The following DLGAP2 variants were observed in gnomAD, a reference collection of about 807,000 sequenced individuals.
DLGAP2 encodes the protein disks large-associated protein 2.
A neutral mutation model predicts 100.3 loss-of-function variants in DLGAP2; 26 were observed. The ratio of observed to expected loss-of-function variants is 0.26; its 90% CI spans 0.19 to 0.36. The LOEUF (loss-of-function observed/expected upper bound fraction) is 0.36. DLGAP2 is among the 10% of genes least tolerant of loss of function. The pLI, the probability that DLGAP2 is intolerant of heterozygous loss-of-function variation, is 1.00. For missense variants in DLGAP2, 1,858 were observed against 1,453.2 expected, an observed-to-expected ratio of 1.28 and a Z score of -4.53; for synonymous variants, 886 against 630.1, an observed-to-expected ratio of 1.41 and a Z score of -6.08.
chr8:1,347,438 C>A (rs1307975733), intron 3 of DLGAP2, among the ~76,000 whole-genome samples: 1 of 151,790 alleles, frequency 6.6e-6, no homozygotes, highest in African/African-American at 2.4e-5. Flanking sequence ...CTCATGGCAA[C>A]TATGTGGAAG....
intron 12 of DLGAP2, among the ~76,000 whole-genome samples, chr8:1,687,337 C>T (rs935755620): frequency 1.1e-4 from 16 of 152,196 alleles, no homozygotes; most frequent in Admixed American, 6.5e-4. Flanking sequence ...GGCAAGGGTT[C>T]TAGCAGGTTC....
chr8:824,718 G>A (rs114316800), intron 1 of DLGAP2, among the ~76,000 whole-genome samples: 6,323 of 152,196 alleles, frequency 0.042, 205 homozygotes, highest in African/African-American at 0.082. Context: ...GGTAGTGCTA[G>A]CGATTCAGAG....
At chr8:1,167,447 A>T (rs1338364756) in intron 2 of DLGAP2, among the ~76,000 whole-genome samples, 1 of 152,160 alleles carries the variant, frequency 6.6e-6, no homozygotes, top group African/African-American at 2.4e-5. Context: ...CTAGGGAAGC[A>T]GAGTTTCAGG....
intron 2 of DLGAP2, among the ~76,000 whole-genome samples, chr8:1,074,711 C>A (rs546106205): frequency 6.6e-6 from 1 of 152,190 alleles, no homozygotes; most frequent in African/African-American, 2.4e-5. Context: ...GAGCATTTCC[C>A]ACTCCTCGTC....
chr8:1,251,260 G>A (rs1236748666), intron 2 of DLGAP2, among the ~76,000 whole-genome samples: 1 of 152,118 alleles, frequency 6.6e-6, no homozygotes, highest in Non-Finnish European at 1.5e-5. Context: ...TATTATCAAT[G>A]ACTATCTCCT....
intron 3 of DLGAP2, among the ~76,000 whole-genome samples, chr8:1,326,382 A>G (rs1801021264): frequency 6.6e-6 from 1 of 152,246 alleles, no homozygotes; most frequent in African/African-American, 2.4e-5. Flanking sequence ...ACCACATTCT[A>G]ACAAAACTCT....
intron 3 of DLGAP2, among the ~76,000 whole-genome samples, chr8:1,311,658 T>C (rs967919936): frequency 2.6e-5 from 4 of 152,112 alleles, no homozygotes; most frequent in Non-Finnish European, 4.4e-5. Flanking sequence ...CACATCTCAG[T>C]TGACACACGA....
At chr8:1,024,781 C>A (rs750353741) in intron 2 of DLGAP2, among the ~76,000 whole-genome samples, 1 of 152,192 alleles carries the variant, frequency 6.6e-6, no homozygotes, top group Non-Finnish European at 1.5e-5. Flanking sequence ...CTTATGGAGC[C>A]TCCTGTGGGA....
chr8:829,775 A>G (rs776187274), intron 1 of DLGAP2, among the ~76,000 whole-genome samples: 1 of 152,246 alleles, frequency 6.6e-6, no homozygotes, highest in Non-Finnish European at 1.5e-5. Flanking sequence ...TTCATAATTT[A>G]TATTAACGAA....
chr8:1,342,029 C>T (rs141034919), intron 3 of DLGAP2, among the ~76,000 whole-genome samples: 2 of 152,156 alleles, frequency 1.3e-5, no homozygotes, highest in African/African-American at 4.8e-5. Flanking sequence ...CAGGTCACTG[C>T]AGCCTCGACC....
At chr8:1,067,891 A>AC (rs1007248659) in intron 2 of DLGAP2, among the ~76,000 whole-genome samples, 13 of 150,220 alleles carry the variant, frequency 8.7e-5, no homozygotes, top group African/African-American at 1.2e-4. Flanking sequence ...ATGACGACAC[A>AC]CCCCCCCATT....
At chr8:766,106 G>T (rs1821209182) in intron 1 of DLGAP2, among the ~76,000 whole-genome samples, 1 of 152,200 alleles carries the variant, frequency 6.6e-6, no homozygotes, top group Admixed American at 6.5e-5. Context: ...AGCGGAGGTT[G>T]TAGTGAGTCG....
intron 3 of DLGAP2, among the ~76,000 whole-genome samples, chr8:1,288,049 T>TATGGTTCTGTTAG (rs1799980553): frequency 7.0e-6 from 1 of 143,456 alleles, no homozygotes; most frequent in Non-Finnish European, 1.5e-5. Flanking sequence ...TGTGTGTGTG[T>TATGGTTCTGTTAG]GTATGGTTCT....
At chr8:1,316,812 C>T (rs569254619) in intron 3 of DLGAP2, among the ~76,000 whole-genome samples, 31 of 143,296 alleles carry the variant, frequency 2.2e-4, no homozygotes, top group South Asian at 1.4e-3. Context: ...AACTCGGTAG[C>T]GTTTAAAAAT....
At chr8:1,162,533 G>A (rs1292102588) in intron 2 of DLGAP2, among the ~76,000 whole-genome samples, 1 of 152,162 alleles carries the variant, frequency 6.6e-6, no homozygotes, top group Non-Finnish European at 1.5e-5. Context: ...GTTTTAAAAT[G>A]ATCAAAATAT....
intron 4 of DLGAP2, among the ~76,000 whole-genome samples, chr8:1,504,712 T>A (rs1047517426): frequency 3.3e-5 from 5 of 152,218 alleles, no homozygotes; most frequent in Non-Finnish European, 7.3e-5. Flanking sequence ...TTGTTGCAAA[T>A]GCTAGGATTT....
intron 6 of DLGAP2, among the ~76,000 whole-genome samples, chr8:1,602,690 G>A (rs1796666894): frequency 6.6e-6 from 1 of 152,186 alleles, no homozygotes; most frequent in African/African-American, 2.4e-5. Context: ...AGGAGTGACA[G>A]CAGTTTATTC....
At chr8:1,261,910 G>C (rs1465934451) in intron 3 of DLGAP2, among the ~76,000 whole-genome samples, 4 of 152,218 alleles carry the variant, frequency 2.6e-5, no homozygotes, top group Admixed American at 2.6e-4. Flanking sequence ...ACCAGCCAGA[G>C]GCTGGTGGCA....
chr8:1,311,705 A>G (rs1460456548), intron 3 of DLGAP2, among the ~76,000 whole-genome samples: 1 of 150,742 alleles, frequency 6.6e-6, no homozygotes, highest in Non-Finnish European at 1.5e-5. Context: ...GTTCATGATA[A>G]AAAAAAAAAA....
Sources: gnomAD v4.1 joint callset for allele counts (sites outside exome capture counted in the v4.1 genomes callset) on GRCh38, gnomAD v4.1.1 for gene constraint, MANE v1.5 for transcripts, NCBI Gene and HGNC (gene_info 2026-07-23, HGNC 2026-07-21) for gene names.